SYNE2: variants seen among roughly 807,000 people sequenced by gnomAD.
SYNE2 encodes spectrin repeat containing nuclear envelope protein 2.
Under a neutral mutation model 856.3 loss-of-function variants are expected in SYNE2, and 431 were observed. That is an observed-to-expected ratio of 0.50 (90% CI 0.47 to 0.55). The LOEUF (loss-of-function observed/expected upper bound fraction) is 0.55. SYNE2 is among the 20% of genes least tolerant of loss of function. SYNE2 has a pLI of 0.00. For synonymous variants in SYNE2, 2,923 were observed against 2,872.3 expected (o/e 1.02, Z -0.56); for missense variants, 8,129 against 8,023.2 (o/e 1.01, Z -0.50).
chr14:63,841,832 C>CTTTTTTTTTTTTTTTTTTTTTTTT (rs34947861), intron 1 of SYNE2, among the ~76,000 whole-genome samples: 2 of 115,084 alleles, frequency 1.7e-5, no homozygotes, highest in Non-Finnish European at 1.7e-5. Context: ...TTCTTTCTTT[C>CTTTTTTTTTTTTTTTTTTTTTTTT]TTTTTTTTTT....
intron 95 of SYNE2, among the ~76,000 whole-genome samples, chr14:64,176,348 A>ATTTTAAATATGATAATACTTG (rs1294352218): frequency 2.6e-5 from 4 of 152,184 alleles, no homozygotes; most frequent in African/African-American, 7.2e-5. Context: ...TAGTTTTCCC[A>ATTTTAAATATGATAATACTTG]TTTTAAATAT....
At chr14:63,875,379 T>A (rs537438972) in intron 1 of SYNE2, among the ~76,000 whole-genome samples, 19 of 152,298 alleles carry the variant, frequency 1.2e-4, no homozygotes, top group African/African-American at 3.4e-4. Flanking sequence ...TGAACAGTTG[T>A]GAGTAAAGGT....
chr14:64,094,644 G>T (rs2097661507), intron 61 of SYNE2, among the ~76,000 whole-genome samples: 1 of 152,202 alleles, frequency 6.6e-6, no homozygotes, highest in Non-Finnish European at 1.5e-5. Context: ...ACAGGAGAGT[G>T]CAAGATGACA....
intron 77 of SYNE2, among the ~76,000 whole-genome samples, chr14:64,133,637 G>A (rs551225453): frequency 6.6e-6 from 1 of 152,318 alleles, no homozygotes; most frequent in African/African-American, 2.4e-5. Context: ...GTGGGCTTGG[G>A]CGTGGGCTTG....
intron 10 of SYNE2, among the ~76,000 whole-genome samples, chr14:63,967,473 A>G (rs921560895): frequency 1.3e-5 from 2 of 152,216 alleles, no homozygotes; most frequent in Admixed American, 6.5e-5. Context: ...CCATTCCAGT[A>G]TAAATCCAAC....
At chr14:64,004,178 C>G (rs1343212024) in intron 30 of SYNE2, among the ~76,000 whole-genome samples, 8 of 147,796 alleles carry the variant, frequency 5.4e-5, no homozygotes, top group Non-Finnish European at 8.9e-5. Context: ...GCGCATGCCA[C>G]CATGCCTGGC....
At chr14:63,914,814 G>T (rs577959717) in intron 2 of SYNE2, among the ~76,000 whole-genome samples, 1 of 152,324 alleles carries the variant, frequency 6.6e-6, no homozygotes, top group South Asian at 2.1e-4. Flanking sequence ...GTCTTGCTCA[G>T]TTGCCCAGGC....
At chr14:64,094,054 C>T (rs754480669) in intron 61 of SYNE2, among the ~76,000 whole-genome samples, 50 of 151,916 alleles carry the variant, frequency 3.3e-4, no homozygotes, top group Admixed American at 7.2e-4. Context: ...TCCTGTGGGC[C>T]GGGCGCGGTG....
intron 99 of SYNE2, among the ~76,000 whole-genome samples, chr14:64,198,583 C>T (rs2098549402): frequency 1.3e-5 from 2 of 152,198 alleles, no homozygotes; most frequent in South Asian, 4.1e-4. Flanking sequence ...CGGCTAAATC[C>T]TGGCTGGATG....
At chr14:64,096,636 C>G (rs2097679851) in intron 61 of SYNE2, among the ~76,000 whole-genome samples, 1 of 152,162 alleles carries the variant, frequency 6.6e-6, no homozygotes, top group Admixed American at 6.5e-5. Flanking sequence ...AAAGCAATCA[C>G]AGAAATTTTG....
chr14:63,986,737 G>A, intron 19 of SYNE2, 120 bp downstream of exon 19: 1 of 1,150,954 alleles, frequency 8.7e-7, no homozygotes, highest in Non-Finnish European at 1.3e-6. Context: ...TTTGTTGGGA[G>A]TTTTAAAAAT....
chr14:63,988,098 T>A (rs979659202), intron 19 of SYNE2, among the ~76,000 whole-genome samples: 2 of 152,246 alleles, frequency 1.3e-5, no homozygotes, highest in Admixed American at 6.5e-5. Flanking sequence ...CTTTCCTTTT[T>A]TTTGAGACAG....
chr14:64,170,373 C>A lies in SYNE2; in HGVS notation c.17146C>A (p.Leu5716Ile). Residue 5716 changes from leucine (L) to isoleucine (I), a missense_variant, in exon 94 of 116, where the codon CTC becomes ATC. Around this residue, in one of 3 missense-constraint regions of SYNE2, gnomAD observed 5,410 missense variants for 5,284.8 expected, o/e 1.02. Coordinates refer to ENST00000555002, the MANE Select transcript of SYNE2 (RefSeq NM_182914.3). ...TTCTGTGGAGAACTTGTTTCGCTTC[C>A]TCACTGACACCAGCCACCTGCTATC... The part of the protein sequence containing the change: ...TTSVENLFRF[L>I]TDTSHLLSAV... The A allele has an allele frequency of 6.2e-7, 1 of 1,614,136 alleles. No individual in the cohort carries two copies. Among genetic ancestry groups the A allele is most frequent in the Non-Finnish European group, 8.5e-7 (1 of 1,180,028 alleles).
chr14:64,141,258 T>C, intron 80 of SYNE2, 83 bp from the exon 81 acceptor site: 1 of 1,109,670 alleles, frequency 9.0e-7, no homozygotes, highest in Non-Finnish European at 1.3e-6. Flanking sequence ...TATGTTTATT[T>C]GTTGACTCTA....
At position 64,049,629 on chromosome 14, in the gene SYNE2, G is replaced by C. The variant is rs781036402; in HGVS notation, c.7396G>C (p.Glu2466Gln). Residue 2466 changes from glutamate to glutamine, a missense_variant, in exon 47 of 116, where the codon GAA (glutamate) becomes CAA (glutamine). Physicochemically the swap from Glu to Gln is conservative, Grantham distance 29 (BLOSUM62 2). Around this residue, in one of 3 missense-constraint regions of SYNE2, gnomAD observed 5,410 missense variants for 5,284.8 expected, o/e 1.02. Transcript: ENST00000555002. ...EEIEKLYTQL[E>Q]AKKAAIKPLE... ...TTTTTAGAAATTATATACCCAGTTG[G>C]AAGCAAAGAAAGCAGCCATTAAGCC... 1.9e-6 allele frequency: 3 copies of C among 1,613,996 alleles called. No individual in the cohort carries two copies. In the South Asian group the frequency reaches 3.3e-5, roughly 18 times the overall value.
At position 64,052,711 on chromosome 14, in the gene SYNE2, A is replaced by G. The variant is rs745968795; in HGVS notation, c.8798A>G (p.Asn2933Ser). 1.4e-5 allele frequency: 23 copies of G among 1,613,746 alleles called. No individual in the cohort carries two copies. The highest frequency in any genetic ancestry group is 1.5e-5 in the Non-Finnish European group (18 of 1,179,828). ...RTNRIQRFIQ[N>S]TCNEVEHKIK... is the part of the protein sequence containing the mutation. ...AACAGAATACAAAGATTCATTCAGA[A>G]TACATGTAATGAAGTGGAACACAAG... The change falls in exon 48 of 116, where the codon AAT (asparagine) becomes AGT (serine). Residue 2933 changes from asparagine to serine, a missense_variant. Transcript: ENST00000555002.
chr14:63,818,066 C>T (rs1469482438), intron 1 of SYNE2, among the ~76,000 whole-genome samples: 1 of 145,602 alleles, frequency 6.9e-6, no homozygotes, highest in Non-Finnish European at 1.5e-5. Context: ...AAAAATTAGA[C>T]CAGGCCAAGT....
At position 64,216,870 on chromosome 14, in the gene SYNE2, G is replaced by A. The variant is rs543482921; in HGVS notation, c.19542+483G>A. On this transcript the variant is annotated intron_variant, in intron 108 of 115. Transcript: ENST00000555002. Reference sequence around the variant, plus strand: ...CTCCCAAGTAGCTGCGATTACAGGTGTGCACCACCATGCCTGGCTAATTTT... The same window carrying A: ...CTCCCAAGTAGCTGCGATTACAGGTATGCACCACCATGCCTGGCTAATTTT... Among the ~76,000 whole-genome samples, 126 of 152,236 alleles carry A rather than the reference G, an allele frequency of 8.3e-4. 3 individuals are homozygous for A. The South Asian group carries it at 0.025, about 31-fold the overall frequency.
At chr14:63,817,271 G>A (rs1889028037) in intron 1 of SYNE2, among the ~76,000 whole-genome samples, 1 of 151,888 alleles carries the variant, frequency 6.6e-6, no homozygotes, top group African/African-American at 2.4e-5. Flanking sequence ...GACCAACCTG[G>A]GCAACATGGA....
Sources: allele counts gnomAD v4.1 joint callset (sites outside exome capture counted in the v4.1 genomes callset), GRCh38; gene constraint gnomAD v4.1.1; regional missense constraint gnomAD v4.1.1; transcripts MANE v1.5; gene names NCBI Gene and HGNC (gene_info 2026-07-23, HGNC 2026-07-21).